Variants in GALNT13 observed in about 807,000 individuals in gnomAD.
The protein encoded by GALNT13 is UDP-GalNAc:polypeptide N-acetylgalactosaminyltransferase 13.
A neutral mutation model predicts 64.2 loss-of-function variants in GALNT13; 28 were observed. The observed-to-expected ratio is 0.44, with a 90% CI of 0.32 to 0.60. GALNT13 has a LOEUF of 0.60. Among genes scored for constraint, GALNT13 ranks in the 20% least tolerant of loss-of-function variants. The pLI is 0.05. For synonymous variants in GALNT13, 214 were observed against 224.6 expected, an observed-to-expected ratio of 0.95 and a Z score of 0.42; for missense variants, 577 against 669.8, an observed-to-expected ratio of 0.86 and a Z score of 1.53.
the GALNT13 span, among the ~76,000 whole-genome samples, chr2:153,411,131 C>T: frequency 1.3e-5 from 2 of 150,468 alleles, no homozygotes; most frequent in Admixed American, 6.6e-5. Flanking sequence ...GCTGGTATTA[C>T]AAGCGTGAGC....
the GALNT13 span, among the ~76,000 whole-genome samples, chr2:153,819,061 C>T: frequency 6.6e-5 from 10 of 152,104 alleles, no homozygotes; most frequent in African/African-American, 2.4e-4. Context: ...ACTCTCTACC[C>T]CATTCTAACT....
At chr2:153,309,558 T>C in the GALNT13 span, among the ~76,000 whole-genome samples, 1 of 151,860 alleles carries the variant, frequency 6.6e-6, no homozygotes, top group Non-Finnish European at 1.5e-5. Context: ...TGACACATGC[T>C]CTCCTTGATT....
At chr2:154,229,511 T>G (rs1688804009) in intron 4 of GALNT13, among the ~76,000 whole-genome samples, 1 of 152,112 alleles carries the variant, frequency 6.6e-6, no homozygotes, top group Non-Finnish European at 1.5e-5. Context: ...CAGAATGACT[T>G]CAACCTCTCA....
At chr2:153,357,296 AG>A in the GALNT13 span, 1 of 152,224 alleles carries the variant, frequency 6.6e-6, no homozygotes, top group Non-Finnish European at 1.5e-5. Flanking sequence ...TTCAGACTTC[AG>A]CACTATACCT....
At chr2:154,076,596 C>T (rs1199474863) in intron 3 of GALNT13, among the ~76,000 whole-genome samples, 2 of 151,592 alleles carry the variant, frequency 1.3e-5, no homozygotes, top group African/African-American at 4.8e-5. Context: ...TACCTAGCAC[C>T]TCATAGTATT....
chr2:153,126,174 TA>T, the GALNT13 span, among the ~76,000 whole-genome samples: 1 of 151,790 alleles, frequency 6.6e-6, no homozygotes, highest in Non-Finnish European at 1.5e-5. Flanking sequence ...AATAGCCAAG[TA>T]AGGCATGGAC....
At chr2:153,539,330 C>A in the GALNT13 span, among the ~76,000 whole-genome samples, 1 of 151,852 alleles carries the variant, frequency 6.6e-6, no homozygotes, top group Non-Finnish European at 1.5e-5. Context: ...AATTTTCTCC[C>A]ATTCTGTAGG....
chr2:153,873,498 A>G (rs1686137759), intron 1 of GALNT13, among the ~76,000 whole-genome samples: 2 of 152,214 alleles, frequency 1.3e-5, no homozygotes. Context: ...GTGAGCAGGC[A>G]AACATAGATG....
intron 2 of GALNT13, among the ~76,000 whole-genome samples, chr2:153,924,718 A>C (rs1238910583): frequency 6.6e-6 from 1 of 152,078 alleles, no homozygotes; most frequent in Non-Finnish European, 1.5e-5. Context: ...CCTCGTCAGC[A>C]TCTGTTGTTT....
chr2:153,136,554 G>C, the GALNT13 span, among the ~76,000 whole-genome samples: 1 of 152,012 alleles, frequency 6.6e-6, no homozygotes, highest in Non-Finnish European at 1.5e-5. Flanking sequence ...AGGCAAAGTA[G>C]AGAAATATTT....
chr2:153,204,203 C>G, the GALNT13 span, among the ~76,000 whole-genome samples: 5 of 152,222 alleles, frequency 3.3e-5, no homozygotes, highest in African/African-American at 7.2e-5. Flanking sequence ...ATCCTCAGAG[C>G]TGCCTCAAGT....
At chr2:153,127,564 A>G in the GALNT13 span, among the ~76,000 whole-genome samples, 2 of 152,244 alleles carry the variant, frequency 1.3e-5, no homozygotes, top group Admixed American at 1.3e-4. Context: ...CCGTAATCTT[A>G]GTGATATCCA....
the GALNT13 span, among the ~76,000 whole-genome samples, chr2:153,735,942 G>A: frequency 1.3e-4 from 20 of 152,280 alleles, no homozygotes; most frequent in Admixed American, 5.2e-4. Flanking sequence ...CAAGTTTATC[G>A]TCTGTAAGAT....
At chr2:153,782,785 T>G in the GALNT13 span, among the ~76,000 whole-genome samples, 5 of 152,150 alleles carry the variant, frequency 3.3e-5, no homozygotes, top group Non-Finnish European at 7.4e-5. Context: ...CTTCTACCCT[T>G]TGGGAATCAT....
Position 154,048,452 on chromosome 2 carries a change from T to C in GALNT13, c.143-91885T>C, listed in dbSNP as rs1574408164. ...ATAAAATACTGTTTGGGAAAATATATCTAAAATCTGCTTCTTACATGAGCT... is the reference window on the plus strand; with the variant it reads ...ATAAAATACTGTTTGGGAAAATATACCTAAAATCTGCTTCTTACATGAGCT... On this transcript the variant is annotated intron_variant, in intron 3 of 12. Transcript: ENST00000392825. 3.9e-5 allele frequency among the ~76,000 whole-genome samples: 6 copies of C among 152,288 alleles called. No individual in the cohort carries two copies. The South Asian group carries it at 1.2e-3, about 32-fold the overall frequency.
chr2:154,314,774 A>T (rs1032788813), intron 9 of GALNT13, among the ~76,000 whole-genome samples: 1 of 152,136 alleles, frequency 6.6e-6, no homozygotes, highest in Non-Finnish European at 1.5e-5. Context: ...CATGAGGGAC[A>T]TACCTTCCTT....
At chr2:153,802,565 C>T in the GALNT13 span, among the ~76,000 whole-genome samples, 1 of 152,148 alleles carries the variant, frequency 6.6e-6, no homozygotes, top group Non-Finnish European at 1.5e-5. Context: ...CCATCTAATC[C>T]TTACAACCAC....
the GALNT13 span, among the ~76,000 whole-genome samples, chr2:153,524,539 AC>A: frequency 6.6e-6 from 1 of 151,462 alleles, no homozygotes; most frequent in South Asian, 2.1e-4. Context: ...CCAATGCCAC[AC>A]CTCCCCCATC....
chr2:153,620,098 G>C, the GALNT13 span, among the ~76,000 whole-genome samples: 1 of 151,740 alleles, frequency 6.6e-6, no homozygotes, highest in Admixed American at 6.6e-5. Flanking sequence ...TTTCCCTTTT[G>C]AGGCTATTTT....
Sources: allele counts gnomAD v4.1 joint callset (sites outside exome capture counted in the v4.1 genomes callset), GRCh38; gene constraint gnomAD v4.1.1; transcripts MANE v1.5; gene names NCBI Gene and HGNC (gene_info 2026-07-23, HGNC 2026-07-21).